The following STN1 variants were observed in gnomAD, a reference collection of about 807,000 sequenced individuals.
STN1 encodes the protein STN1 subunit of CST complex, also known as CST complex subunit STN1.
A neutral mutation model predicts 45.5 loss-of-function variants in STN1; 29 were observed. The observed-to-expected ratio is 0.64, with a 90% CI of 0.47 to 0.87. The LOEUF (loss-of-function observed/expected upper bound fraction) is 0.87. STN1 is among the 40% of genes least tolerant of loss of function. STN1 has a pLI of 0.00. For missense variants in STN1, 376 were observed against 441.4 expected, an observed-to-expected ratio of 0.85 and a Z score of 1.33; for synonymous variants, 148 against 159.0, an observed-to-expected ratio of 0.93 and a Z score of 0.52.
chr10:103,894,541 A>G (rs1843158841), intron 7 of STN1, among the ~76,000 whole-genome samples: 1 of 152,198 alleles, frequency 6.6e-6, no homozygotes. Flanking sequence ...TCCCTGGCCT[A>G]GTTATAAAGA....
At position 103,882,856 on chromosome 10, in the gene STN1, T is replaced by C. The variant is rs755524472; in HGVS notation, c.950-15A>G. 4 of 1,605,326 alleles carry C rather than the reference T, an allele frequency of 2.5e-6. No homozygotes were observed. Among genetic ancestry groups the C allele is most frequent in the Middle Eastern group, 1.7e-4 (1 of 6,014 alleles). ...CTTCTCCATGTCTGCAGGAAAAAGG[T>C]AGGTGGCTGAGTGTGGACACAACTG... On this transcript the variant is annotated splice_polypyrimidine_tract_variant and intron_variant, in intron 9 of 9. Coordinates refer to ENST00000224950, the MANE Select transcript of STN1 (RefSeq NM_024928.5).
rs758619248 is a variant in STN1 at position 103,881,491 on chromosome 10, C to T, written c.*1193G>A. On this transcript the variant is annotated 3_prime_UTR_variant, in exon 10 of 10. Transcript: ENST00000224950. Reference sequence around the variant, plus strand: ...AAATCAGCAAAGGTTTGCATCATTACAAAAGTCTATGACAGGAGGCAATCT... The same window carrying T: ...AAATCAGCAAAGGTTTGCATCATTATAAAAGTCTATGACAGGAGGCAATCT... Among the ~76,000 whole-genome samples, 3 of 152,202 alleles carry T rather than the reference C, an allele frequency of 2.0e-5. No homozygotes were observed. Among genetic ancestry groups the T allele is most frequent in the Non-Finnish European group, 4.4e-5 (3 of 68,028 alleles).
intron 3 of STN1, among the ~76,000 whole-genome samples, chr10:103,906,722 G>A (rs1329354602): frequency 6.6e-6 from 1 of 151,892 alleles, no homozygotes; most frequent in African/African-American, 2.4e-5. Flanking sequence ...AACATCACAA[G>A]AGAAAAAGTG....
chr10:103,882,948 T>A, intron 9 of STN1, 107 bp from the exon 10 acceptor site: 1 of 1,089,846 alleles, frequency 9.2e-7, no homozygotes, highest in Non-Finnish European at 1.3e-6. Flanking sequence ...CCCCAGATGA[T>A]CTTTATGCAC....
rs952624471 is a variant in STN1, at chr10:103,880,331, G to A, written c.*2353C>T. Among the ~76,000 whole-genome samples the A allele has an allele frequency of 3.3e-5, 5 of 152,332 alleles. No homozygotes were observed. The highest frequency in any genetic ancestry group is 2.1e-4 in the South Asian group (1 of 4,824). ...AAGGCAACATTCGATTGGTTAAGGC[G>A]TTATTCAGAAAGAACAATTGGGAAA... On this transcript the variant is annotated 3_prime_UTR_variant, in exon 10 of 10. Coordinates refer to ENST00000224950, the MANE Select transcript of STN1 (RefSeq NM_024928.5).
chr10:103,894,703 A>C (rs1342488483), intron 7 of STN1, among the ~76,000 whole-genome samples: 1 of 151,808 alleles, frequency 6.6e-6, no homozygotes, highest in Non-Finnish European at 1.5e-5. Flanking sequence ...AAAAAAAAAA[A>C]AAACCAAACA....
intron 8 of STN1, among the ~76,000 whole-genome samples, chr10:103,889,391 C>G (rs570138385): frequency 6.6e-6 from 1 of 152,156 alleles, no homozygotes; most frequent in Non-Finnish European, 1.5e-5. Context: ...GAATTGCATA[C>G]TTTTAAGGGA....
intron 9 of STN1, among the ~76,000 whole-genome samples, chr10:103,883,329 T>C (rs567950556): frequency 6.6e-6 from 1 of 152,216 alleles, no homozygotes; most frequent in East Asian, 1.9e-4. Flanking sequence ...TTTGGCCTGT[T>C]CTCATTCCTC....
Position 103,904,796 on chromosome 10 carries a change from T to C in STN1, c.295+295A>G, listed in dbSNP as rs188458081. ...AATTAGGCTAAGACACCTTGACTTA[T>C]GTAATAATGGGCATGGTAAAAATGA... On this transcript the variant is annotated intron_variant, in intron 4 of 9. Transcript: ENST00000224950. Among the ~76,000 whole-genome samples the C allele has an allele frequency of 1.6e-3, 237 of 152,334 alleles. 1 individual carries two copies. The highest frequency in any genetic ancestry group is 5.7e-3 in the African/African-American group (235 of 41,584).
intron 2 of STN1, among the ~76,000 whole-genome samples, 180 bp downstream of exon 2, chr10:103,917,279 AAAG>A (rs1294194434): frequency 7.2e-4 from 109 of 151,518 alleles, no homozygotes; most frequent in African/African-American, 1.4e-3. Context: ...AAAAAAAAAA[AAAG>A]ATTTAGACTG....
chr10:103,895,163 G>A (rs1414751230), intron 7 of STN1, among the ~76,000 whole-genome samples: 1 of 152,198 alleles, frequency 6.6e-6, no homozygotes, highest in Non-Finnish European at 1.5e-5. Context: ...AGAAAAAAGA[G>A]TTTCCAAAGA....
chr10:103,913,897 A>C (rs865992183), intron 2 of STN1, among the ~76,000 whole-genome samples: 6 of 152,146 alleles, frequency 3.9e-5, no homozygotes, highest in Admixed American at 1.3e-4. Context: ...CCCCTGGATC[A>C]TCAGGCCCCC....
At chr10:103,904,999 GAA>G in intron 4 of STN1, 90 bp downstream of exon 4, 1 of 1,120,566 alleles carries the variant, frequency 8.9e-7, no homozygotes, top group Non-Finnish European at 1.4e-6. Context: ...AGATAAATGT[GAA>G]AATTTAGCCC....
In STN1 at chr10:103,880,648, G is replaced by C. The variant is rs1004113376; in HGVS notation, c.*2036C>G. On this transcript the variant is annotated 3_prime_UTR_variant, in exon 10 of 10. Transcript: ENST00000224950. The stretch of plus-strand genomic sequence containing the variant: ...ATATAGGGGTCTGCAGTTCAGGGAA[G>C]AGGCCCATTCTGGGTTTAAACTGAG... Among the ~76,000 whole-genome samples the C allele has an allele frequency of 6.6e-6, 1 of 152,212 alleles. No homozygotes were observed. Among genetic ancestry groups the C allele is most frequent in the African/African-American group, 2.4e-5 (1 of 41,448 alleles).
intron 3 of STN1, among the ~76,000 whole-genome samples, chr10:103,907,043 T>C (rs1359864969): frequency 6.6e-6 from 1 of 151,654 alleles, no homozygotes; most frequent in Non-Finnish European, 1.5e-5. Context: ...GTCCAAGAGT[T>C]TGGGGCTGCA....
intron 5 of STN1, 51 bp from the exon 6 acceptor site, chr10:103,899,051 G>T (rs1262381011): frequency 6.3e-7 from 1 of 1,599,686 alleles, no homozygotes. Context: ...ATTACATTGA[G>T]ATCAATTCTT....
At chr10:103,886,845 A>AT (rs1843106730) in intron 9 of STN1, among the ~76,000 whole-genome samples, 1 of 152,260 alleles carries the variant, frequency 6.6e-6, no homozygotes, top group African/African-American at 2.4e-5. Flanking sequence ...CTTGCCCAAC[A>AT]TTACACAGCT....
intron 3 of STN1, among the ~76,000 whole-genome samples, chr10:103,908,414 C>T (rs7920217): frequency 0.56 from 67,567 of 121,722 alleles, 15,720 homozygotes; most frequent in Admixed American, 0.61. Flanking sequence ...CCGCCTGGGC[C>T]GCTGGCCTTG....
At chr10:103,916,185 C>G (rs1304113711) in intron 2 of STN1, among the ~76,000 whole-genome samples, 1 of 152,192 alleles carries the variant, frequency 6.6e-6, no homozygotes, top group African/African-American at 2.4e-5. Flanking sequence ...AATCAAAGAT[C>G]ACTGGTCCTG....
Sources: gnomAD v4.1 joint callset for allele counts (sites outside exome capture counted in the v4.1 genomes callset) on GRCh38, gnomAD v4.1.1 for gene constraint, MANE v1.5 for transcripts, NCBI Gene and HGNC (gene_info 2026-07-23, HGNC 2026-07-21) for gene names.